Variants in LRMDA observed in about 807,000 individuals in gnomAD.
LRMDA encodes leucine-rich melanocyte differentiation-associated protein.
Under a neutral mutation model 29.8 loss-of-function variants are expected in LRMDA, and 18 were observed. The ratio of observed to expected loss-of-function variants is 0.60; its 90% confidence interval spans 0.42 to 0.90. The LOEUF is 0.90. Among genes scored for constraint, LRMDA ranks in the 40% least tolerant of loss-of-function variants. LRMDA has a pLI of 0.00. For missense variants in LRMDA, 273 were observed against 273.9 expected, an observed-to-expected ratio of 1.00 and a Z score of 0.02; for synonymous variants, 125 against 109.4, an observed-to-expected ratio of 1.14 and a Z score of -0.89.
At position 76,459,267 on chromosome 10, in the gene LRMDA, T is replaced by G. The variant is rs534386379; in HGVS notation, c.602-97942T>G. On this transcript the variant is annotated intron_variant, in intron 6 of 6. Transcript: ENST00000611255. ...TGTTTATTAATGGAAATGGGGAACTTTGTGGACCAGGGTGAAGTCCCAGAG... is the reference window on the plus strand; with the variant it reads ...TGTTTATTAATGGAAATGGGGAACTGTGTGGACCAGGGTGAAGTCCCAGAG... Among the ~76,000 whole-genome samples the G allele has an allele frequency of 1.3e-3, 205 of 152,288 alleles. 1 individual carries two copies. Among genetic ancestry groups the G allele is most frequent in the Non-Finnish European group, 2.3e-3 (159 of 68,026 alleles).
intron 2 of LRMDA, among the ~76,000 whole-genome samples, chr10:75,833,164 A>G (rs1257680327): frequency 6.6e-6 from 1 of 152,202 alleles, no homozygotes; most frequent in East Asian, 1.9e-4. Context: ...AAAATAGCAC[A>G]AACGACATTG....
intron 6 of LRMDA, among the ~76,000 whole-genome samples, chr10:76,372,055 T>C (rs902171520): frequency 3.9e-5 from 6 of 152,180 alleles, no homozygotes; most frequent in African/African-American, 7.2e-5. Flanking sequence ...AAGTGTTGTA[T>C]AGTTATGTCC....
At chr10:75,584,532 TG>T (rs1214828490) in intron 2 of LRMDA, among the ~76,000 whole-genome samples, 1 of 152,098 alleles carries the variant, frequency 6.6e-6, no homozygotes, top group Non-Finnish European at 1.5e-5. Flanking sequence ...GATGTGTGGA[TG>T]GGTAGATGAG....
chr10:76,432,055 A>T (rs960854608), intron 6 of LRMDA, among the ~76,000 whole-genome samples: 3 of 152,272 alleles, frequency 2.0e-5, no homozygotes, highest in Admixed American at 1.3e-4. Flanking sequence ...GTGAAAATGG[A>T]CTAATACAGA....
At chr10:75,827,747 A>G (rs954237906) in intron 2 of LRMDA, among the ~76,000 whole-genome samples, 6 of 152,250 alleles carry the variant, frequency 3.9e-5, no homozygotes, top group African/African-American at 1.4e-4. Flanking sequence ...TACGTTATCC[A>G]TCTTGTTATC....
At chr10:76,156,839 T>A (rs1428700990) in intron 5 of LRMDA, among the ~76,000 whole-genome samples, 4 of 152,230 alleles carry the variant, frequency 2.6e-5, no homozygotes, top group Admixed American at 2.6e-4. Context: ...TCTTCCAAGA[T>A]ACATTCTTTC....
chr10:75,836,037 A>G (rs1273391601), intron 2 of LRMDA, among the ~76,000 whole-genome samples: 1 of 152,182 alleles, frequency 6.6e-6, no homozygotes, highest in East Asian at 1.9e-4. Flanking sequence ...CTGAATAAGA[A>G]AAAAAATCCT....
At chr10:75,706,956 T>C (rs1029318037) in intron 2 of LRMDA, among the ~76,000 whole-genome samples, 3 of 152,210 alleles carry the variant, frequency 2.0e-5, no homozygotes, top group African/African-American at 7.2e-5. Context: ...GAAACTCTTA[T>C]TCTGACCACT....
intron 2 of LRMDA, among the ~76,000 whole-genome samples, chr10:75,675,579 C>CT (rs1344322908): frequency 2.6e-5 from 4 of 152,238 alleles, no homozygotes; most frequent in East Asian, 1.9e-4. Context: ...GAAGCTAGGT[C>CT]TTTTTTGTGG....
chr10:76,552,865 A>AGC (rs1272117914), intron 6 of LRMDA, among the ~76,000 whole-genome samples: 1 of 152,168 alleles, frequency 6.6e-6, no homozygotes, highest in East Asian at 1.9e-4. Context: ...GGCCTCCCCC[A>AGC]GCAAAATCTC....
intron 2 of LRMDA, among the ~76,000 whole-genome samples, chr10:76,019,385 AT>A (rs1790884353): frequency 6.6e-6 from 1 of 152,182 alleles, no homozygotes; most frequent in Admixed American, 6.5e-5. Context: ...AGTTGCTGTT[AT>A]TAGTGCACAC....
chr10:76,223,626 C>T (rs1009509298), intron 5 of LRMDA, among the ~76,000 whole-genome samples: 2 of 152,048 alleles, frequency 1.3e-5, no homozygotes, highest in African/African-American at 4.8e-5. Context: ...AGAGAGCTTT[C>T]CTGCTCTCTT....
chr10:75,467,314 G>A (rs2132042504), intron 2 of LRMDA, among the ~76,000 whole-genome samples: 1 of 152,296 alleles, frequency 6.6e-6, no homozygotes, highest in African/African-American at 2.4e-5. Context: ...TTGCCCTGGT[G>A]AGTGACTTCC....
intron 2 of LRMDA, among the ~76,000 whole-genome samples, chr10:75,578,239 A>AAAAAAAAAAAAAAAAAAAAAAAAAC (rs1276229635): frequency 6.9e-6 from 1 of 144,010 alleles, no homozygotes; most frequent in East Asian, 2.0e-4. Flanking sequence ...AAAAAAAAAA[A>AAAAAAAAAAAAAAAAAAAAAAAAAC]GCAGCAGTTG....
intron 2 of LRMDA, among the ~76,000 whole-genome samples, chr10:75,679,283 G>A (rs1841997043): frequency 1.3e-5 from 2 of 152,036 alleles, no homozygotes; most frequent in African/African-American, 4.8e-5. Flanking sequence ...CGTTGTGCTA[G>A]GCATTGTGGT....
At chr10:75,705,406 A>G (rs1842354493) in intron 2 of LRMDA, among the ~76,000 whole-genome samples, 1 of 152,208 alleles carries the variant, frequency 6.6e-6, no homozygotes, top group South Asian at 2.1e-4. Context: ...CCTTTCTCCA[A>G]TTTAAAAATC....
chr10:75,982,363 T>G (rs1053723007), intron 2 of LRMDA, among the ~76,000 whole-genome samples: 1 of 152,164 alleles, frequency 6.6e-6, no homozygotes, highest in Non-Finnish European at 1.5e-5. Flanking sequence ...GGTGATATGG[T>G]TGACCATCCT....
At chr10:75,993,130 A>G (rs2132461365) in intron 2 of LRMDA, among the ~76,000 whole-genome samples, 1 of 152,146 alleles carries the variant, frequency 6.6e-6, no homozygotes, top group African/African-American at 2.4e-5. Context: ...TCAGCAAACT[A>G]CTGGTCTCCT....
intron 2 of LRMDA, among the ~76,000 whole-genome samples, chr10:75,848,910 A>C (rs193124287): frequency 1.7e-3 from 259 of 152,172 alleles, no homozygotes; most frequent in African/African-American, 6.0e-3. Flanking sequence ...AGGGGCTGTC[A>C]TCTGTGGGGG....
Sources: gnomAD v4.1 joint callset for allele counts (sites outside exome capture counted in the v4.1 genomes callset) on GRCh38, gnomAD v4.1.1 for gene constraint, MANE v1.5 for transcripts, NCBI Gene and HGNC (gene_info 2026-07-23, HGNC 2026-07-21) for gene names.